Variants in NOL4 observed in about 807,000 individuals in gnomAD.
NOL4 encodes the protein cancer/testis antigen 125.
NOL4 carries 17 observed loss-of-function variants against 75.9 expected under a neutral mutation model. The ratio of observed to expected loss-of-function variants is 0.22; its 90% CI spans 0.15 to 0.34. The LOEUF is 0.34. NOL4 is among the 10% of genes least tolerant of loss of function. The pLI is 1.00. For synonymous variants in NOL4, 292 were observed against 289.9 expected (o/e 1.01, Z -0.07); for missense variants, 614 against 793.5 (o/e 0.77, Z 2.72).
At chr18:34,159,657 T>G (rs987568736) in intron 1 of NOL4, among the ~76,000 whole-genome samples, 6 of 152,144 alleles carry the variant, frequency 3.9e-5, no homozygotes, top group Non-Finnish European at 7.4e-5. Flanking sequence ...CCTTCTCTTC[T>G]AATTCCCTGT....
rs185536204 is a variant in NOL4, at chr18:34,010,523, T to A, written c.1056+8795A>T. Among the ~76,000 whole-genome samples, 211 of 152,036 alleles carry A rather than the reference T, an allele frequency of 1.4e-3. 4 individuals carry two copies. Among genetic ancestry groups the A allele is most frequent in the Admixed American group, 0.014 (210 of 15,212 alleles). On this transcript the variant is annotated intron_variant, in intron 6 of 10. Transcript: ENST00000261592. ...TTAGAAATATATCTATAACATACAA[T>A]TTATAAAAATACGATTTATAACTAA...
At chr18:34,151,154 C>A (rs993945664) in intron 1 of NOL4, among the ~76,000 whole-genome samples, 1 of 151,812 alleles carries the variant, frequency 6.6e-6, no homozygotes, top group Non-Finnish European at 1.5e-5. Flanking sequence ...AAGTTTGGCA[C>A]TTTCTGATAA....
At chr18:33,856,325 C>A (rs2062835506) in intron 10 of NOL4, among the ~76,000 whole-genome samples, 1 of 151,962 alleles carries the variant, frequency 6.6e-6, no homozygotes. Context: ...GTGACTTATT[C>A]AAGTAAAGTA....
chr18:33,920,681 G>C (rs2066986117), intron 9 of NOL4, among the ~76,000 whole-genome samples: 1 of 152,172 alleles, frequency 6.6e-6, no homozygotes, highest in South Asian at 2.1e-4. Flanking sequence ...TCCAGGAAGA[G>C]AGATGAGATT....
rs779268406 is a variant in NOL4, at chr18:33,992,732, T to G, written c.1056+26586A>C. On this transcript the variant is annotated intron_variant, in intron 6 of 10. Transcript: ENST00000261592. The stretch of plus-strand genomic sequence containing the variant: ...AAGTTCTAGGTAAATGTAGTCAAAG[T>G]GGGAGCACATCTCTTTCAATCAGGC... Among the ~76,000 whole-genome samples the G allele has an allele frequency of 3.4e-4, 51 of 151,992 alleles. 1 individual carries two copies. The highest frequency in any genetic ancestry group is 4.0e-4 in the Non-Finnish European group (27 of 67,958).
intron 6 of NOL4, among the ~76,000 whole-genome samples, chr18:33,997,818 T>C (rs1227246256): frequency 1.3e-5 from 2 of 151,338 alleles, no homozygotes; most frequent in African/African-American, 2.4e-5. Context: ...ATGAATTTCA[T>C]AGCAGCATTA....
chr18:33,969,484 C>T (rs919073530), intron 6 of NOL4, among the ~76,000 whole-genome samples: 3 of 151,992 alleles, frequency 2.0e-5, no homozygotes, highest in Non-Finnish European at 4.4e-5. Context: ...TGTAATTTCT[C>T]AGCTTTTTCC....
At chr18:34,191,944 A>T (rs1205387769) in intron 1 of NOL4, among the ~76,000 whole-genome samples, 1 of 152,166 alleles carries the variant, frequency 6.6e-6, no homozygotes, top group Non-Finnish European at 1.5e-5. Flanking sequence ...ACACACACAC[A>T]TACTGACTCA....
intron 5 of NOL4, among the ~76,000 whole-genome samples, chr18:34,030,375 T>C (rs2075576197): frequency 1.3e-5 from 2 of 152,140 alleles, no homozygotes; most frequent in African/African-American, 2.4e-5. Flanking sequence ...GTCATGCATA[T>C]AGTGGGACAA....
intron 5 of NOL4, among the ~76,000 whole-genome samples, chr18:34,044,442 A>G (rs2076274645): frequency 6.6e-6 from 1 of 152,006 alleles, no homozygotes; most frequent in South Asian, 2.1e-4. Flanking sequence ...TCCCAAATTA[A>G]AAGTTATTAA....
chr18:34,168,261 A>G (rs6650640), intron 1 of NOL4, among the ~76,000 whole-genome samples: 5,199 of 152,084 alleles, frequency 0.034, 91 homozygotes, highest in Middle Eastern at 0.048. Flanking sequence ...AAGACAATAA[A>G]ACTGCACATT....
At chr18:34,056,669 C>T (rs1361411407) in intron 5 of NOL4, among the ~76,000 whole-genome samples, 1 of 152,164 alleles carries the variant, frequency 6.6e-6, no homozygotes, top group Admixed American at 6.5e-5. Flanking sequence ...TGGAATGTTT[C>T]CTCCAGTGTG....
chr18:34,112,200 C>A (rs983209663), intron 2 of NOL4, among the ~76,000 whole-genome samples: 8 of 152,008 alleles, frequency 5.3e-5, no homozygotes, highest in Non-Finnish European at 8.8e-5. Context: ...GAAACCTTAT[C>A]TCTACTAAAA....
chr18:34,052,366 G>A (rs1436856542), intron 5 of NOL4, among the ~76,000 whole-genome samples: 1 of 151,756 alleles, frequency 6.6e-6, no homozygotes, highest in African/African-American at 2.4e-5. Context: ...AACTAAAGAA[G>A]GATAATTATA....
chr18:33,877,830 G>A (rs1036233004), intron 10 of NOL4, among the ~76,000 whole-genome samples: 2 of 148,998 alleles, frequency 1.3e-5, no homozygotes, highest in Admixed American at 6.7e-5. Context: ...GTGTGATTGT[G>A]TGTGTGTGTG....
chr18:34,182,832 G>A lies in NOL4; in HGVS notation c.264+40158C>T, dbSNP rs535528804. On this transcript the variant is annotated intron_variant, in intron 1 of 10. Transcript: ENST00000261592. ...ATTAAAAATGGATAAAATTAAAATG[G>A]CCAATAGAAATTATTAGACATTCGT... Among the ~76,000 whole-genome samples, 24 of 151,610 alleles carry A rather than the reference G, an allele frequency of 1.6e-4. 1 individual carries two copies. The South Asian group carries it at 4.6e-3, about 29-fold the overall frequency.
intron 10 of NOL4, among the ~76,000 whole-genome samples, chr18:33,866,833 T>C (rs988153870): frequency 6.6e-6 from 1 of 152,204 alleles, no homozygotes; most frequent in Non-Finnish European, 1.5e-5. Flanking sequence ...GGCATAATGA[T>C]TTACTGTATT....
At chr18:33,876,569 G>T (rs375620325) in intron 10 of NOL4, among the ~76,000 whole-genome samples, 1 of 152,110 alleles carries the variant, frequency 6.6e-6, no homozygotes, top group Non-Finnish European at 1.5e-5. Context: ...TAGCTCTCAA[G>T]ATTTATGCAT....
chr18:33,994,230 G>C (rs1363659423), intron 6 of NOL4, among the ~76,000 whole-genome samples: 1 of 151,768 alleles, frequency 6.6e-6, no homozygotes, highest in African/African-American at 2.4e-5. Context: ...TCCACTTCCT[G>C]GAATAGATAG....
Sources: gnomAD v4.1 joint callset for allele counts (sites outside exome capture counted in the v4.1 genomes callset) on GRCh38, gnomAD v4.1.1 for gene constraint, MANE v1.5 for transcripts, NCBI Gene and HGNC (gene_info 2026-07-23, HGNC 2026-07-21) for gene names.